PCDHGA7: variants seen among roughly 807,000 people sequenced by gnomAD.
PCDHGA7 encodes the protein protocadherin gamma-A7.
A neutral mutation model predicts 58.3 loss-of-function variants in PCDHGA7; 44 were observed. That is an observed-to-expected ratio of 0.75 (90% CI 0.59 to 0.97). PCDHGA7 has a LOEUF of 0.97. Ranked by LOEUF, PCDHGA7 falls within the 50% of genes least tolerant of loss-of-function variation. The pLI is 0.00. For missense variants in PCDHGA7, 1,266 were observed against 1,188.7 expected (o/e 1.06, Z -0.96); for synonymous variants, 516 against 504.2 (o/e 1.02, Z -0.31).
At chr5:141,456,057 C>T (rs2098842079) in intron 1 of PCDHGA7, among the ~76,000 whole-genome samples, 1 of 151,914 alleles carries the variant, frequency 6.6e-6, no homozygotes, top group South Asian at 2.1e-4. Context: ...ACCACCACGT[C>T]CGGCTAATTT....
In PCDHGA7 at chr5:141,511,999, C is replaced by G. The variant is rs1049440139; in HGVS notation, c.*826C>G. ...GTGGATGGTGGGGGCATGGACAAAG[C>G]TTGACACATCAAGTTATCAAGGCCT... is the stretch of plus-strand genomic sequence containing the variant. On this transcript the variant is annotated 3_prime_UTR_variant, in exon 4 of 4. Coordinates refer to ENST00000518325, the MANE Select transcript of PCDHGA7 (RefSeq NM_018920.4). 6.5e-6 allele frequency: 1 copy of G among 153,016 alleles called. No individual in the cohort carries two copies. Among genetic ancestry groups the G allele is most frequent in the Non-Finnish European group, 1.5e-5 (1 of 68,392 alleles). The allele number at this position is 153,016 out of a possible 1,614,324, so 9.5% of individuals were successfully genotyped here. A position where few individuals can be genotyped will look rare whatever the true frequency, so the allele number is the denominator to read the frequency against.
intron 1 of PCDHGA7, chr5:141,404,627 G>A: frequency 6.2e-7 from 1 of 1,614,144 alleles, no homozygotes; most frequent in Non-Finnish European, 8.5e-7. Context: ...GAATGACAAT[G>A]CCCCAGAAAT....
intron 1 of PCDHGA7, chr5:141,419,816 C>A (rs910172118): frequency 7.4e-6 from 12 of 1,613,940 alleles, no homozygotes; most frequent in Non-Finnish European, 1.0e-5. Context: ...AGGACAGCCA[C>A]CCCTTTCAGC....
intron 1 of PCDHGA7, among the ~76,000 whole-genome samples, chr5:141,448,711 C>T (rs62379167): frequency 0.23 from 35,567 of 151,844 alleles, 4,336 homozygotes; most frequent in Admixed American, 0.32. Context: ...GAGGCCGAGG[C>T]GGGAGGATCA....
rs377389968 is a variant in PCDHGA7, at chr5:141,404,840, C to T, written c.2424+19517C>T. On this transcript the variant is annotated intron_variant, in intron 1 of 3. Coordinates refer to ENST00000518325, the MANE Select transcript of PCDHGA7 (RefSeq NM_018920.4). Reference sequence around the variant, plus strand: ...GCACACAGGTGAAGTGCGCACAGCTCGGGCCCTGCTAGATAGAGATGCGCT... The same window carrying T: ...GCACACAGGTGAAGTGCGCACAGCTTGGGCCCTGCTAGATAGAGATGCGCT... 3.5e-5 allele frequency: 57 copies of T among 1,613,700 alleles called. No individual in the cohort carries two copies. The African/African-American group carries it at 6.3e-4, about 18-fold the overall frequency.
chr5:141,427,087 A>T, intron 1 of PCDHGA7: 1 of 458,198 alleles, frequency 2.2e-6, no homozygotes, highest in Non-Finnish European at 4.4e-6. Flanking sequence ...ACTGACCAGG[A>T]TGAGGGTGTC....
At chr5:141,403,150 C>G (rs1420317278) in intron 1 of PCDHGA7, 2 of 1,614,046 alleles carry the variant, frequency 1.2e-6, no homozygotes, top group Non-Finnish European at 1.7e-6. Flanking sequence ...GAGTCCGCAT[C>G]GTCTCTAGAG....
chr5:141,400,682 G>C (rs778099324), intron 1 of PCDHGA7: 10 of 835,140 alleles, frequency 1.2e-5, no homozygotes, highest in Non-Finnish European at 1.7e-5. Context: ...AGTAAATTGT[G>C]AGTTTTTATG....
At chr5:141,413,109 A>G in intron 1 of PCDHGA7, 2 of 1,498,490 alleles carry the variant, frequency 1.3e-6, no homozygotes, top group African/African-American at 1.4e-5. Flanking sequence ...ACAGAAAGAC[A>G]AAGGAACCGG....
intron 1 of PCDHGA7, chr5:141,408,778 A>G (rs1261786266): frequency 6.2e-7 from 1 of 1,612,198 alleles, no homozygotes; most frequent in Non-Finnish European, 8.5e-7. Flanking sequence ...GCAAATACCC[A>G]GAGTTATCTC....
At chr5:141,418,130 G>A in intron 1 of PCDHGA7, 3 of 1,614,106 alleles carry the variant, frequency 1.9e-6, no homozygotes, top group Non-Finnish European at 2.5e-6. Flanking sequence ...GGACCGAATA[G>A]ACCGTGAGCA....
At chr5:141,413,075 A>G (rs1013709122) in intron 1 of PCDHGA7, 4 of 1,246,610 alleles carry the variant, frequency 3.2e-6, no homozygotes, top group South Asian at 3.1e-5. Context: ...TAAAGTGCCC[A>G]GGCTACAGAG....
At chr5:141,389,426 G>C (rs868246317) in intron 1 of PCDHGA7, 1 of 1,613,498 alleles carries the variant, frequency 6.2e-7, no homozygotes, top group Non-Finnish European at 8.5e-7. Context: ...TGGTGTTCGC[G>C]CAGCGCGCCT....
At chr5:141,451,127 CT>C (rs1264048458) in intron 1 of PCDHGA7, among the ~76,000 whole-genome samples, 1 of 152,132 alleles carries the variant, frequency 6.6e-6, no homozygotes, top group Non-Finnish European at 1.5e-5. Context: ...CACACCCAGC[CT>C]TATGATTGTA....
chr5:141,399,627 CG>C (rs2093851448), intron 1 of PCDHGA7: 1 of 1,613,906 alleles, frequency 6.2e-7, no homozygotes, highest in Non-Finnish European at 8.5e-7. Context: ...TGGCCTCTTA[CG>C]TGTCCATGAG....
chr5:141,478,748 A>G (rs2099474609), intron 1 of PCDHGA7: 2 of 1,525,644 alleles, frequency 1.3e-6, no homozygotes, highest in African/African-American at 1.4e-5. Context: ...GTCCCATTTC[A>G]GGGGGAAGAT....
intron 1 of PCDHGA7, chr5:141,403,017 T>C: frequency 6.2e-7 from 1 of 1,614,064 alleles, no homozygotes; most frequent in South Asian, 1.1e-5. Context: ...CTCCTGGGGA[T>C]GCTATGGGAG....
chr5:141,405,010 CT>C (rs2094596164), intron 1 of PCDHGA7: 3 of 1,614,014 alleles, frequency 1.9e-6, no homozygotes, highest in Non-Finnish European at 2.5e-6. Context: ...ACCTGGAGGC[CT>C]CAGACCTTAC....
chr5:141,389,144 T>C, intron 1 of PCDHGA7: 1 of 1,614,020 alleles, frequency 6.2e-7, no homozygotes, highest in Non-Finnish European at 8.5e-7. Flanking sequence ...ATATAACCGT[T>C]ACGGCAACAG....
Sources: allele counts gnomAD v4.1 joint callset (sites outside exome capture counted in the v4.1 genomes callset), GRCh38; gene constraint gnomAD v4.1.1; transcripts MANE v1.5; gene names NCBI Gene and HGNC (gene_info 2026-07-23, HGNC 2026-07-21).